CEP112: variants seen among roughly 807,000 people sequenced by gnomAD.
CEP112 encodes centrosomal protein of 112 kDa.
A neutral mutation model predicts 153.0 loss-of-function variants in CEP112; 127 were observed. The observed-to-expected ratio is 0.83, with a 90% CI of 0.72 to 0.96. The LOEUF (loss-of-function observed/expected upper bound fraction) is 0.96, where lower values mean the gene tolerates loss of function less well. Among genes scored for constraint, CEP112 ranks in the 40% least tolerant of loss-of-function variants. The pLI is 0.00. For synonymous variants in CEP112, 358 were observed against 374.4 expected (o/e 0.96, Z 0.51); for missense variants, 1,089 against 1,101.2 (o/e 0.99, Z 0.16).
chr17:65,750,898 G>C, intron 21 of CEP112, 174 bp from the exon 22 acceptor site: 8 of 363,592 alleles, frequency 2.2e-5, no homozygotes, highest in South Asian at 1.4e-4. Context: ...CACTTAAAAA[G>C]CAAAAAAAAA....
intron 20 of CEP112, among the ~76,000 whole-genome samples, chr17:65,863,882 G>A (rs1186813504): frequency 6.6e-6 from 1 of 151,860 alleles, no homozygotes; most frequent in African/African-American, 2.4e-5. Flanking sequence ...AGTGGCTCAC[G>A]CCTGTAATCC....
rs567478740 is a variant in CEP112, at chr17:65,730,032, A to T, written c.2607+13036T>A. Among the ~76,000 whole-genome samples the T allele has an allele frequency of 2.6e-4, 39 of 152,334 alleles. No homozygotes were observed. The South Asian group carries it at 8.1e-3, about 32-fold the overall frequency. On this transcript the variant is annotated intron_variant, in intron 23 of 26. Transcript: ENST00000535342. ...CATTGGTGAAGAGGAATCTACTTTC[A>T]CCTGTGTTCTTTTGATCACACTCTT...
chr17:65,743,322 C>T, intron 22 of CEP112, 105 bp from the exon 23 acceptor site: 1 of 815,284 alleles, frequency 1.2e-6, no homozygotes, highest in Non-Finnish European at 1.9e-6. Flanking sequence ...AAACTCTATT[C>T]CACAAATTAA....
chr17:65,734,530 G>A (rs1480907351), intron 23 of CEP112, among the ~76,000 whole-genome samples: 1 of 152,074 alleles, frequency 6.6e-6, no homozygotes, highest in African/African-American at 2.4e-5. Flanking sequence ...CTCATTATGT[G>A]TAAACATAAA....
chr17:65,920,400 T>TATATATAA (rs1254685722), intron 19 of CEP112, among the ~76,000 whole-genome samples: 1 of 113,848 alleles, frequency 8.8e-6, no homozygotes. Flanking sequence ...TATATATATA[T>TATATATAA]ATATAATTAT....
intron 17 of CEP112, among the ~76,000 whole-genome samples, chr17:65,987,112 T>A (rs1267094353): frequency 6.6e-5 from 10 of 152,038 alleles, no homozygotes; most frequent in Non-Finnish European, 1.3e-4. Flanking sequence ...ATCAAAATAA[T>A]CTAATATCCA....
intron 21 of CEP112, among the ~76,000 whole-genome samples, chr17:65,808,970 C>T (rs1247326244): frequency 6.6e-6 from 1 of 152,176 alleles, no homozygotes; most frequent in Non-Finnish European, 1.5e-5. Flanking sequence ...TTTTCTCTCT[C>T]ACCATGTGCC....
At chr17:65,953,957 G>A (rs1023322016) in intron 18 of CEP112, among the ~76,000 whole-genome samples, 16 of 152,068 alleles carry the variant, frequency 1.1e-4, no homozygotes, top group Admixed American at 3.3e-4. Context: ...TACTTAAGCC[G>A]GTGTCCCTAG....
At chr17:65,788,382 C>G (rs1241795270) in intron 21 of CEP112, among the ~76,000 whole-genome samples, 2 of 152,092 alleles carry the variant, frequency 1.3e-5, no homozygotes, top group African/African-American at 4.8e-5. Flanking sequence ...CTGTTCCTGG[C>G]TGACTTTCAT....
intron 21 of CEP112, among the ~76,000 whole-genome samples, chr17:65,756,405 C>CAAAAAAAAAAAAAAA (rs766476895): frequency 3.3e-5 from 1 of 30,514 alleles, no homozygotes; most frequent in Non-Finnish European, 6.0e-5. Flanking sequence ...GACTCCGTCT[C>CAAAAAAAAAAAAAAA]AAAAAAAAAA....
chr17:65,914,399 T>C (rs2060398577), intron 19 of CEP112, among the ~76,000 whole-genome samples: 2 of 151,960 alleles, frequency 1.3e-5, no homozygotes, highest in South Asian at 2.1e-4. Flanking sequence ...TGTCTTTACT[T>C]TCTTTTTATT....
intron 4 of CEP112, among the ~76,000 whole-genome samples, chr17:66,134,406 C>T (rs940741939): frequency 2.6e-5 from 4 of 152,078 alleles, no homozygotes; most frequent in African/African-American, 9.7e-5. Context: ...TGCATTCATC[C>T]CAAAAGTCCT....
rs566595149 is a variant in CEP112 at position 66,021,315 on chromosome 17, G to C, written c.1656+6186C>G. Among the ~76,000 whole-genome samples the C allele has an allele frequency of 1.3e-4, 20 of 152,262 alleles. No individual in the cohort carries two copies. The East Asian group carries it at 3.7e-3, about 28-fold the overall frequency. On this transcript the variant is annotated intron_variant, in intron 16 of 26. Transcript: ENST00000535342. ...GAGTGCTGGATCTGGAGCAGGGGAAGAGCCCCCACAGCCAGAACTTAGAGG... is the reference window on the plus strand; with the variant it reads ...GAGTGCTGGATCTGGAGCAGGGGAACAGCCCCCACAGCCAGAACTTAGAGG...
rs567652284 is a variant in CEP112, at chr17:65,820,341, A to G, written c.2394+31463T>C. 3.3e-5 allele frequency among the ~76,000 whole-genome samples: 5 copies of G among 152,216 alleles called. No individual in the cohort carries two copies. The East Asian group carries it at 9.6e-4, about 29-fold the overall frequency. On this transcript the variant is annotated intron_variant, in intron 21 of 26. Transcript: ENST00000535342. The stretch of plus-strand genomic sequence containing the variant: ...GCATTGTACCCTAAAGTAGAAGTTT[A>G]CCATGCATGACTAGATAGTTTTCTA...
intron 21 of CEP112, among the ~76,000 whole-genome samples, chr17:65,838,187 T>C (rs2057393753): frequency 6.6e-6 from 1 of 152,188 alleles, no homozygotes; most frequent in Non-Finnish European, 1.5e-5. Flanking sequence ...ACCCAACTGC[T>C]GCAGACATTT....
chr17:65,983,430 T>C (rs1001318854), intron 17 of CEP112, among the ~76,000 whole-genome samples: 3 of 152,160 alleles, frequency 2.0e-5, no homozygotes, highest in Non-Finnish European at 2.9e-5. Context: ...CCAAATATCA[T>C]GTTGAAATGT....
intron 6 of CEP112, among the ~76,000 whole-genome samples, chr17:66,128,906 A>G (rs2069991443): frequency 1.3e-5 from 2 of 152,182 alleles, no homozygotes; most frequent in Non-Finnish European, 2.9e-5. Flanking sequence ...GAAAAAAGGG[A>G]GGAAAAGATA....
chr17:65,821,064 A>C (rs950492373), intron 21 of CEP112, among the ~76,000 whole-genome samples: 1 of 151,962 alleles, frequency 6.6e-6, no homozygotes, highest in Non-Finnish European at 1.5e-5. Context: ...ACATCTGCAC[A>C]CACTTAAAAT....
At chr17:66,123,159 C>CCACA (rs976891777) in intron 6 of CEP112, among the ~76,000 whole-genome samples, 25 of 152,286 alleles carry the variant, frequency 1.6e-4, no homozygotes, top group Non-Finnish European at 2.4e-4. Flanking sequence ...ACAATGAAGG[C>CCACA]CACAGTATTC....
Sources: gnomAD v4.1 joint callset for allele counts (sites outside exome capture counted in the v4.1 genomes callset) on GRCh38, gnomAD v4.1.1 for gene constraint, MANE v1.5 for transcripts, NCBI Gene and HGNC (gene_info 2026-07-23, HGNC 2026-07-21) for gene names.